The following ARHGAP10 variants were observed in gnomAD, a reference collection of about 807,000 sequenced individuals.
ARHGAP10 encodes Rho GTPase activating protein 10.
In ARHGAP10, 87 loss-of-function variants were observed where a neutral mutation model predicts 108.6. The ratio of observed to expected loss-of-function variants is 0.80; its 90% CI spans 0.67 to 0.96. ARHGAP10 has a LOEUF of 0.96. Among genes scored for constraint, ARHGAP10 ranks in the 40% least tolerant of loss-of-function variants. The pLI is 0.00. For missense variants in ARHGAP10, 939 were observed against 954.5 expected, an observed-to-expected ratio of 0.98 and a Z score of 0.21; for synonymous variants, 347 against 341.1, an observed-to-expected ratio of 1.02 and a Z score of -0.19.
chr4:147,850,897 C>T (rs904948366), intron 4 of ARHGAP10, among the ~76,000 whole-genome samples: 2 of 152,174 alleles, frequency 1.3e-5, no homozygotes, highest in Admixed American at 6.5e-5. Context: ...CTACAGGAAC[C>T]AGTACAGATC....
chr4:147,827,666 A>C (rs953331294), intron 3 of ARHGAP10, among the ~76,000 whole-genome samples: 5 of 152,222 alleles, frequency 3.3e-5, no homozygotes, highest in African/African-American at 1.2e-4. Context: ...GTTTTACTTA[A>C]ATTTTTTTTA....
intron 18 of ARHGAP10, among the ~76,000 whole-genome samples, chr4:147,975,648 AAC>A (rs1241045606): frequency 1.3e-5 from 2 of 152,140 alleles, no homozygotes; most frequent in African/African-American, 4.8e-5. Context: ...TTTTCTAACG[AAC>A]TCTCTTGATT....
At chr4:147,811,563 TACTG>T in intron 1 of ARHGAP10, among the ~76,000 whole-genome samples, 1 of 150,034 alleles carries the variant, frequency 6.7e-6, no homozygotes, top group Non-Finnish European at 1.5e-5. Flanking sequence ...ATTTGAAAAA[TACTG>T]ACAAATATGC....
In ARHGAP10 at chr4:147,822,817, G is replaced by T; in HGVS notation, c.245G>T (p.Cys82Phe). 1 of 1,614,152 alleles carries T rather than the reference G, an allele frequency of 6.2e-7. No homozygotes were observed. The highest frequency in any genetic ancestry group is 8.5e-7 in the Non-Finnish European group (1 of 1,179,978). The change falls in exon 2 of 23, where the codon TGC becomes TTC. Residue 82 changes from cysteine (C) to phenylalanine (F), a missense_variant. Coordinates refer to ENST00000336498, the MANE Select transcript of ARHGAP10 (RefSeq NM_024605.4). ...GATGCTGTGACAGATGATGAACGAT[G>T]CATAGGTAATTAAACATGATATTTT... ...IGDAVTDDER[C>F]IDASLREFSN...
intron 7 of ARHGAP10, among the ~76,000 whole-genome samples, chr4:147,870,077 C>T (rs1015545222): frequency 6.6e-6 from 1 of 151,366 alleles, no homozygotes; most frequent in Non-Finnish European, 1.5e-5. Context: ...GAGGGAGTCT[C>T]GCCCTGTCAC....
intron 1 of ARHGAP10, among the ~76,000 whole-genome samples, chr4:147,817,796 A>G (rs1579078918): frequency 6.6e-6 from 1 of 152,248 alleles, no homozygotes; most frequent in East Asian, 1.9e-4. Flanking sequence ...CCACCAATAT[A>G]TAACAGCCTT....
At chr4:147,910,364 G>T (rs1239124897) in intron 12 of ARHGAP10, among the ~76,000 whole-genome samples, 2 of 150,454 alleles carry the variant, frequency 1.3e-5, no homozygotes, top group Non-Finnish European at 3.0e-5. Flanking sequence ...AAAAAAAATT[G>T]TACAAAATAC....
chr4:147,922,177 G>A (rs912370445), intron 13 of ARHGAP10, among the ~76,000 whole-genome samples: 2 of 152,078 alleles, frequency 1.3e-5, no homozygotes, highest in Non-Finnish European at 2.9e-5. Flanking sequence ...TGGAAACAGT[G>A]TGATACATTT....
intron 1 of ARHGAP10, among the ~76,000 whole-genome samples, chr4:147,738,872 A>G (rs1728539112): frequency 6.6e-6 from 1 of 152,084 alleles, no homozygotes; most frequent in African/African-American, 2.4e-5. Context: ...GTAGTTCGGG[A>G]TGCTGGAAAA....
At chr4:147,864,290 G>A (rs1734451688) in intron 5 of ARHGAP10, 1 of 152,514 alleles carries the variant, frequency 6.6e-6, no homozygotes, top group African/African-American at 2.4e-5. Context: ...GGCCGCAGAT[G>A]GGCGTCCAGC....
intron 4 of ARHGAP10, among the ~76,000 whole-genome samples, chr4:147,852,028 G>A (rs1733894136): frequency 1.3e-5 from 2 of 152,140 alleles, no homozygotes; most frequent in Admixed American, 1.3e-4. Context: ...TGTCTCAGGA[G>A]GTTATTGTGA....
At chr4:147,842,719 C>G (rs1442885167) in intron 3 of ARHGAP10, among the ~76,000 whole-genome samples, 1 of 152,186 alleles carries the variant, frequency 6.6e-6, no homozygotes, top group Non-Finnish European at 1.5e-5. Context: ...AGGGGGCCTT[C>G]CTCCTCTGCT....
chr4:147,951,852 G>T (rs1738615100), intron 15 of ARHGAP10, among the ~76,000 whole-genome samples: 1 of 152,136 alleles, frequency 6.6e-6, no homozygotes, highest in East Asian at 1.9e-4. Context: ...TTTGATATAT[G>T]TATACCTCTG....
At chr4:147,773,049 G>A (rs756886692) in intron 1 of ARHGAP10, among the ~76,000 whole-genome samples, 10 of 152,154 alleles carry the variant, frequency 6.6e-5, no homozygotes, top group Non-Finnish European at 1.5e-4. Flanking sequence ...TATGTACAGA[G>A]TATTTGGGTA....
intron 1 of ARHGAP10, among the ~76,000 whole-genome samples, chr4:147,750,301 A>G (rs1325514563): frequency 6.6e-6 from 1 of 152,146 alleles, no homozygotes; most frequent in Non-Finnish European, 1.5e-5. Flanking sequence ...GTCACCTAGA[A>G]TGAAGGGAGG....
At chr4:147,923,735 C>T (rs1204873511) in intron 13 of ARHGAP10, among the ~76,000 whole-genome samples, 1 of 152,156 alleles carries the variant, frequency 6.6e-6, no homozygotes, top group Non-Finnish European at 1.5e-5. Context: ...GAAAACCTTA[C>T]CGCTTGAAGA....
At position 147,767,125 on chromosome 4, in the gene ARHGAP10, A is replaced by C. The variant is rs979331216; in HGVS notation, c.154+34670A>C. 3.9e-5 allele frequency among the ~76,000 whole-genome samples: 6 copies of C among 152,186 alleles called. No homozygotes were observed. In the South Asian group the frequency reaches 1.2e-3, roughly 32 times the overall value. On this transcript the variant is annotated intron_variant, in intron 1 of 22. Transcript: ENST00000336498. The stretch of plus-strand genomic sequence containing the variant: ...TTTGGCCGCCCAAAGTGCTGGGATT[A>C]CAGGTGTGAGCCACCGCGCCCAGTC...
At chr4:147,900,729 A>G (rs1352476380) in intron 10 of ARHGAP10, among the ~76,000 whole-genome samples, 1 of 152,172 alleles carries the variant, frequency 6.6e-6, no homozygotes, top group Non-Finnish European at 1.5e-5. Context: ...TAATGGAGTC[A>G]CTAGTGTTAG....
At chr4:147,973,414 T>C (rs1739483777) in intron 18 of ARHGAP10, among the ~76,000 whole-genome samples, 1 of 152,096 alleles carries the variant, frequency 6.6e-6, no homozygotes, top group Non-Finnish European at 1.5e-5. Context: ...GGGTACATAG[T>C]TGGTGTATGT....
Sources: allele counts gnomAD v4.1 joint callset (sites outside exome capture counted in the v4.1 genomes callset), GRCh38; gene constraint gnomAD v4.1.1; transcripts MANE v1.5; gene names NCBI Gene and HGNC (gene_info 2026-07-23, HGNC 2026-07-21).